The following ADGRD1 variants were observed in gnomAD, a reference collection of about 807,000 sequenced individuals.
ADGRD1 encodes the protein G-protein coupled receptor 133.
In ADGRD1, 77 loss-of-function variants were observed where a neutral mutation model predicts 113.4. The observed-to-expected ratio is 0.68, with a 90% CI of 0.57 to 0.82. ADGRD1 has a LOEUF of 0.82. Among genes scored for constraint, ADGRD1 ranks in the 40% least tolerant of loss-of-function variants. The pLI is 0.00. For synonymous variants in ADGRD1, 474 were observed against 475.0 expected (o/e 1.00, Z 0.03); for missense variants, 1,036 against 1,139.1 (o/e 0.91, Z 1.30).
Position 131,088,398 on chromosome 12 carries a change from T to C in ADGRD1, c.1671+3735T>C, listed in dbSNP as rs533365954. 2.8e-4 allele frequency among the ~76,000 whole-genome samples: 42 copies of C among 152,278 alleles called. No individual in the cohort carries two copies. In the South Asian group the frequency reaches 8.5e-3, roughly 31 times the overall value. ...CGTAAGGGCCACGCGGGAGATCATGTCGGATGACTTGTGGATAATTAGGCT... is the reference window on the plus strand; with the variant it reads ...CGTAAGGGCCACGCGGGAGATCATGCCGGATGACTTGTGGATAATTAGGCT... On this transcript the variant is annotated intron_variant, in intron 15 of 24. Coordinates refer to ENST00000261654, the MANE Select transcript of ADGRD1 (RefSeq NM_198827.5).
intron 15 of ADGRD1, among the ~76,000 whole-genome samples, chr12:131,103,807 G>A (rs1356908229): frequency 6.6e-6 from 1 of 152,194 alleles, no homozygotes; most frequent in Non-Finnish European, 1.5e-5. Context: ...GACAGGGACA[G>A]CATGATGCAG....
At chr12:131,045,189 T>C (rs975825004) in intron 13 of ADGRD1, among the ~76,000 whole-genome samples, 1 of 152,214 alleles carries the variant, frequency 6.6e-6, no homozygotes, top group Non-Finnish European at 1.5e-5. Flanking sequence ...TGGATGAGCC[T>C]GGCCCTCGTC....
chr12:131,027,805 C>T lies in ADGRD1; in HGVS notation c.1473+13465C>T, dbSNP rs1002241184. ...AGTATAACATGCCTGCAGAAAAGCA[C>T]GTATATGTGTGTATGGTATGACAGT... On this transcript the variant is annotated intron_variant, in intron 13 of 24. Transcript: ENST00000261654. This position sits in a 1 kb window ranked among gnomAD's most constrained non-coding sequence, Gnocchi z 5.1. The T allele has an allele frequency of 4.6e-5, 7 of 152,266 alleles. No individual in the cohort carries two copies. Among genetic ancestry groups the T allele is most frequent in the Admixed American group, 2.0e-4 (3 of 15,298 alleles). 9.4% of individuals were successfully genotyped at this position (152,266 alleles called of 1,614,324 possible).
chr12:131,020,870 T>G (rs979130142), intron 13 of ADGRD1, among the ~76,000 whole-genome samples: 14 of 152,194 alleles, frequency 9.2e-5, no homozygotes, highest in African/African-American at 3.1e-4. Context: ...TTTGGCCTCC[T>G]TGGGGTGTCA....
In ADGRD1 at chr12:131,084,510, C is replaced by T; in HGVS notation, c.1548-30C>T. On this transcript the variant is annotated intron_variant, in intron 14 of 24. Coordinates refer to ENST00000261654, the MANE Select transcript of ADGRD1 (RefSeq NM_198827.5). This position sits in a 1 kb window ranked among gnomAD's most constrained non-coding sequence, Gnocchi z 4.5. Reference sequence around the variant, plus strand: ...CTGCCTGCCAAGGGTGCGGTGCTACCTCCTCTGATCCTTTCTCCTGTGTCC... The same window carrying T: ...CTGCCTGCCAAGGGTGCGGTGCTACTTCCTCTGATCCTTTCTCCTGTGTCC... 1 of 1,613,630 alleles carries T rather than the reference C, an allele frequency of 6.2e-7. No individual in the cohort carries two copies. Among genetic ancestry groups the T allele is most frequent in the Non-Finnish European group, 8.5e-7 (1 of 1,179,888 alleles).
intron 2 of ADGRD1, among the ~76,000 whole-genome samples, chr12:130,963,340 AAAGAAAG>A (rs1369340418): frequency 0.036 from 5,103 of 141,986 alleles, 103 homozygotes; most frequent in Middle Eastern, 0.068. Flanking sequence ...AAAAAAAAAA[AAAGAAAG>A]AAAAATTCAA....
chr12:131,063,011 C>T (rs920941075), intron 13 of ADGRD1, among the ~76,000 whole-genome samples: 1 of 152,098 alleles, frequency 6.6e-6, no homozygotes, highest in African/African-American at 2.4e-5. Context: ...CTTGTGCTTA[C>T]TTGTCATCTG....
chr12:130,967,271 C>T, intron 3 of ADGRD1: 1 of 234,440 alleles, frequency 4.3e-6, no homozygotes, highest in East Asian at 8.4e-5. Flanking sequence ...TAAGCATCGC[C>T]TAAGACGTTT....
intron 13 of ADGRD1, among the ~76,000 whole-genome samples, chr12:131,039,625 G>C (rs1881908611): frequency 6.6e-6 from 1 of 152,166 alleles, no homozygotes; most frequent in Non-Finnish European, 1.5e-5. Context: ...TTTCCTCTCT[G>C]AGTGCTTTGC....
At chr12:131,013,577 C>T (rs1878191108) in intron 12 of ADGRD1, among the ~76,000 whole-genome samples, 1 of 152,216 alleles carries the variant, frequency 6.6e-6, no homozygotes, top group South Asian at 2.1e-4. Flanking sequence ...CTGATCCAGA[C>T]CCAGATACCA....
In ADGRD1 at chr12:131,084,608, G is replaced by A; in HGVS notation, c.1616G>A (p.Cys539Tyr). The change falls in exon 15 of 25, where the codon TGC becomes TAC. Residue 539 changes from cysteine to tyrosine, a missense_variant. Physicochemically the swap from Cys to Tyr is radical, Grantham distance 194. Coordinates refer to ENST00000261654, the MANE Select transcript of ADGRD1 (RefSeq NM_198827.5). The surrounding 1 kb of genome is among the most constrained non-coding windows in gnomAD (Gnocchi z 4.5). ...AGAGGAAACCTCACCTACTCCGTCTGCCGCTGCACTCACCTCACCAACTTT... is the reference window on the plus strand; with the variant it reads ...AGAGGAAACCTCACCTACTCCGTCTACCGCTGCACTCACCTCACCAACTTT... ...LTRGNLTYSVCRCTHLTNFAI... is the reference protein window; with the variant it reads ...LTRGNLTYSVYRCTHLTNFAI... 1 of 1,614,098 alleles carries A rather than the reference G, an allele frequency of 6.2e-7. No individual in the cohort carries two copies. The highest frequency in any genetic ancestry group is 8.5e-7 in the Non-Finnish European group (1 of 1,180,000).
intron 21 of ADGRD1, 111 bp from the exon 22 acceptor site, chr12:131,135,926 C>A: frequency 8.4e-7 from 1 of 1,189,448 alleles, no homozygotes. Flanking sequence ...GGTCTTGCTC[C>A]CGGCAGGGCG....
intron 20 of ADGRD1, among the ~76,000 whole-genome samples, chr12:131,127,400 G>A (rs147083832): frequency 3.9e-4 from 59 of 152,356 alleles, no homozygotes; most frequent in African/African-American, 1.2e-3. Context: ...TGAGAGGTCC[G>A]GGGCAGAACC....
chr12:131,002,727 C>T, intron 9 of ADGRD1: 1 of 1,248,006 alleles, frequency 8.0e-7, no homozygotes, highest in Admixed American at 2.7e-5. Flanking sequence ...GCTCTGGGTG[C>T]CGGCACCTCG....
intron 13 of ADGRD1, among the ~76,000 whole-genome samples, chr12:131,052,588 G>C (rs1170010185): frequency 2.6e-5 from 4 of 152,150 alleles, no homozygotes; most frequent in South Asian, 2.1e-4. Flanking sequence ...GAGCAGTCGG[G>C]GGGGCATAAA....
intron 21 of ADGRD1, among the ~76,000 whole-genome samples, chr12:131,132,715 C>G (rs1271771871): frequency 6.6e-6 from 1 of 152,180 alleles, no homozygotes; most frequent in East Asian, 1.9e-4. Context: ...CTCCCTGAGC[C>G]AGACCCTGTA....
chr12:130,979,090 C>T (rs575997567), intron 4 of ADGRD1, among the ~76,000 whole-genome samples: 10 of 151,514 alleles, frequency 6.6e-5, no homozygotes, highest in African/African-American at 2.2e-4. Context: ...CCAGCCAGGT[C>T]TGGGGACACC....
chr12:131,096,019 CGGCTT>C lies in ADGRD1; in HGVS notation c.1672-8811_1672-8807del, dbSNP rs1245071606. 1.2e-4 allele frequency among the ~76,000 whole-genome samples: 11 copies of C among 88,066 alleles called. No individual in the cohort carries two copies. The highest frequency in any genetic ancestry group is 3.6e-4 in the African/African-American group (11 of 30,164). 57.8% of individuals were successfully genotyped at this position (88,066 alleles called of 152,430 possible). On this transcript the variant is annotated intron_variant, in intron 15 of 24. Coordinates refer to ENST00000261654, the MANE Select transcript of ADGRD1 (RefSeq NM_198827.5). The surrounding 1 kb of genome is among the most constrained non-coding windows in gnomAD (Gnocchi z 5.2). Reference sequence around the variant, plus strand: ...CGCCTCCCAGCCCTGCCCAGAGCAGCGGCTTAGGGTCACGGCCACCATTCCTGCCT... The same window carrying C: ...CGCCTCCCAGCCCTGCCCAGAGCAGCAGGGTCACGGCCACCATTCCTGCCT...
intron 13 of ADGRD1, among the ~76,000 whole-genome samples, chr12:131,035,974 C>G (rs999327653): frequency 1.3e-5 from 2 of 152,212 alleles, no homozygotes; most frequent in African/African-American, 4.8e-5. Flanking sequence ...CATTATACCA[C>G]TACTAAGGTT....
Sources: gnomAD v4.1 joint callset for allele counts (sites outside exome capture counted in the v4.1 genomes callset) on GRCh38, gnomAD v4.1.1 for gene constraint, Gnocchi (gnomAD v3.1) non-coding constraint, MANE v1.5 for transcripts, NCBI Gene and HGNC (gene_info 2026-07-23, HGNC 2026-07-21) for gene names.